LRRTM4: variants seen among roughly 807,000 people sequenced by gnomAD.
The protein encoded by LRRTM4 is leucine rich repeat transmembrane neuronal 4, also known as leucine-rich repeat transmembrane neuronal protein 4.
LRRTM4 carries 25 observed loss-of-function variants against 47.6 expected under a neutral mutation model. The ratio of observed to expected loss-of-function variants is 0.53; its 90% CI spans 0.38 to 0.73. LRRTM4 has a LOEUF of 0.73. LRRTM4 is among the 30% of genes least tolerant of loss of function. The probability of loss-of-function intolerance (pLI) is 0.00; values close to 1 mark genes in which losing one functional copy is unlikely to be tolerated. For missense variants in LRRTM4, 638 were observed against 713.4 expected (o/e 0.89, Z 1.20); for synonymous variants, 311 against 269.5 (o/e 1.15, Z -1.51).
chr2:77,437,397 A>G (rs2103919510), intron 3 of LRRTM4, among the ~76,000 whole-genome samples: 1 of 152,168 alleles, frequency 6.6e-6, no homozygotes, highest in Non-Finnish European at 1.5e-5. Flanking sequence ...AGGTAATTGC[A>G]TTATCTCAAC....
chr2:76,977,846 G>A (rs957086583), intron 3 of LRRTM4, among the ~76,000 whole-genome samples: 2 of 151,936 alleles, frequency 1.3e-5, no homozygotes, highest in Non-Finnish European at 2.9e-5. Flanking sequence ...AAACAAATAC[G>A]GATTAGGGCA....
At chr2:77,154,965 G>A (rs1293588296) in intron 3 of LRRTM4, among the ~76,000 whole-genome samples, 2 of 152,094 alleles carry the variant, frequency 1.3e-5, no homozygotes, top group Non-Finnish European at 2.9e-5. Flanking sequence ...AAGAAGATAT[G>A]ATTTGTACCG....
rs377370900 is a variant in LRRTM4 at position 76,798,347 on chromosome 2, A to T, written c.1552-49431T>A. ...AAACTGAACAACCTGCTCCTGAATGACTACTGGGTACATAACGAAATGAAG... is the reference window on the plus strand; with the variant it reads ...AAACTGAACAACCTGCTCCTGAATGTCTACTGGGTACATAACGAAATGAAG... On this transcript the variant is annotated intron_variant, in intron 3 of 3. Transcript: ENST00000409884. Among the ~76,000 whole-genome samples the T allele has an allele frequency of 7.2e-3, 1,090 of 152,206 alleles. 3 individuals are homozygous for T. Among genetic ancestry groups the T allele is most frequent in the Non-Finnish European group, 0.012 (806 of 68,022 alleles).
chr2:76,851,568 G>C (rs925299971), intron 3 of LRRTM4, among the ~76,000 whole-genome samples: 2 of 147,234 alleles, frequency 1.4e-5, no homozygotes, highest in Non-Finnish European at 3.0e-5. Flanking sequence ...AGAAATCATG[G>C]AGACTATTCC....
At chr2:77,306,464 C>A (rs1227319965) in intron 3 of LRRTM4, among the ~76,000 whole-genome samples, 2 of 152,196 alleles carry the variant, frequency 1.3e-5, no homozygotes, top group Non-Finnish European at 2.9e-5. Flanking sequence ...TACTAAGTCA[C>A]ACCTGAGACT....
At chr2:76,994,754 T>C (rs1470405051) in intron 3 of LRRTM4, among the ~76,000 whole-genome samples, 1 of 152,034 alleles carries the variant, frequency 6.6e-6, no homozygotes, top group South Asian at 2.1e-4. Flanking sequence ...GTGGTATTTA[T>C]AGTAAAGGAA....
chr2:77,039,462 A>C (rs1210207387), intron 3 of LRRTM4, among the ~76,000 whole-genome samples: 1 of 151,140 alleles, frequency 6.6e-6, no homozygotes, highest in African/African-American at 2.4e-5. Flanking sequence ...TCTCTTACTA[A>C]TCTGTCATCA....
intron 3 of LRRTM4, among the ~76,000 whole-genome samples, chr2:76,960,596 T>C (rs1188130390): frequency 6.6e-6 from 1 of 151,530 alleles, no homozygotes; most frequent in Non-Finnish European, 1.5e-5. Context: ...CATGCATGTG[T>C]GTGCACACAC....
rs74390815 is a variant in LRRTM4, at chr2:77,118,989, C to G, written c.1552-370073G>C. Among the ~76,000 whole-genome samples, 212 of 151,908 alleles carry G rather than the reference C, an allele frequency of 1.4e-3. 1 individual carries two copies. The highest frequency in any genetic ancestry group is 4.9e-3 in the African/African-American group (203 of 41,498). On this transcript the variant is annotated intron_variant, in intron 3 of 3. Transcript: ENST00000409884. ...AGGCATGGGATTACTCTATGCAGAA[C>G]ACACCTGGCATAGTACTCACAACCT...
chr2:77,131,683 G>A (rs953482165), intron 3 of LRRTM4, among the ~76,000 whole-genome samples: 7 of 152,262 alleles, frequency 4.6e-5, no homozygotes, highest in African/African-American at 1.7e-4. Context: ...TATGGCTCAG[G>A]ACAATGGGGA....
At chr2:76,898,440 A>G (rs1169683926) in intron 3 of LRRTM4, among the ~76,000 whole-genome samples, 2 of 151,062 alleles carry the variant, frequency 1.3e-5, no homozygotes, top group Non-Finnish European at 3.0e-5. Flanking sequence ...AAAAGTTAGT[A>G]TAGTTGGAAG....
At chr2:76,920,330 C>T (rs975677759) in intron 3 of LRRTM4, among the ~76,000 whole-genome samples, 1 of 152,060 alleles carries the variant, frequency 6.6e-6, no homozygotes, top group African/African-American at 2.4e-5. Context: ...TCCTAGCTTT[C>T]CAGTAGTTCC....
At chr2:77,145,776 A>AAAATAAATAAATAAATAAATAAATAAAT (rs71381266) in intron 3 of LRRTM4, among the ~76,000 whole-genome samples, 1 of 147,998 alleles carries the variant, frequency 6.8e-6, no homozygotes, top group Admixed American at 6.7e-5. Context: ...TCCGTCTCAA[A>AAAATAAATAAATAAATAAATAAATAAAT]AAATAAATAA....
intron 3 of LRRTM4, among the ~76,000 whole-genome samples, chr2:76,864,883 C>A: frequency 7.4e-6 from 1 of 135,710 alleles, no homozygotes; most frequent in Admixed American, 7.7e-5. Flanking sequence ...AATGCCACCA[C>A]TTCAGCTGTT....
chr2:77,485,584 G>A (rs1021531594), intron 3 of LRRTM4, among the ~76,000 whole-genome samples: 1 of 152,156 alleles, frequency 6.6e-6, no homozygotes, highest in Admixed American at 6.5e-5. Flanking sequence ...GAATTTGGAT[G>A]TTGCTAGGAA....
intron 3 of LRRTM4, among the ~76,000 whole-genome samples, chr2:77,172,696 GCTTA>G (rs1673084165): frequency 6.6e-6 from 1 of 150,628 alleles, no homozygotes; most frequent in Admixed American, 6.6e-5. Flanking sequence ...ATGAAAATAT[GCTTA>G]CTCTCTCCCA....
At chr2:77,190,825 A>G (rs1673648305) in intron 3 of LRRTM4, among the ~76,000 whole-genome samples, 2 of 152,186 alleles carry the variant, frequency 1.3e-5, no homozygotes, top group South Asian at 4.1e-4. Context: ...TAATATATAC[A>G]TAAACTGTAC....
chr2:76,853,519 A>G (rs1418702094), intron 3 of LRRTM4, among the ~76,000 whole-genome samples: 1 of 152,090 alleles, frequency 6.6e-6, no homozygotes, highest in African/African-American at 2.4e-5. Context: ...TCTTTGGATG[A>G]GAACACTGCT....
At chr2:76,912,332 G>T (rs893399334) in intron 3 of LRRTM4, among the ~76,000 whole-genome samples, 35 of 152,134 alleles carry the variant, frequency 2.3e-4, no homozygotes, top group Admixed American at 1.3e-3. Flanking sequence ...ATGTAGTCCT[G>T]TAAAAATGAT....
Sources: gnomAD v4.1 joint callset for allele counts (sites outside exome capture counted in the v4.1 genomes callset) on GRCh38, gnomAD v4.1.1 for gene constraint, MANE v1.5 for transcripts, NCBI Gene and HGNC (gene_info 2026-07-23, HGNC 2026-07-21) for gene names.